Variants in MBTPS1 observed in about 807,000 individuals in gnomAD.
MBTPS1 encodes membrane bound transcription factor peptidase, site 1.
A neutral mutation model predicts 127.8 loss-of-function variants in MBTPS1; 94 were observed. The ratio of observed to expected loss-of-function variants is 0.74; its 90% CI spans 0.62 to 0.87. MBTPS1 has a LOEUF of 0.87. Ranked by LOEUF, MBTPS1 falls within the 40% of genes least tolerant of loss-of-function variation. The probability of loss-of-function intolerance (pLI) is 0.00; values close to 1 mark genes in which losing one functional copy is unlikely to be tolerated. For missense variants in MBTPS1, 1,636 were observed against 1,353.2 expected (o/e 1.21, Z -3.28); for synonymous variants, 632 against 509.4 (o/e 1.24, Z -3.24).
At chr16:84,080,863 T>C (rs1451676012) in intron 11 of MBTPS1, among the ~76,000 whole-genome samples, 1 of 152,256 alleles carries the variant, frequency 6.6e-6, no homozygotes, top group Admixed American at 6.5e-5. Flanking sequence ...TTTGAACATG[T>C]AATCCTAGCT....
Position 84,085,056 on chromosome 16 carries a change from C to G in MBTPS1, c.1213G>C (p.Gly405Arg), listed in dbSNP as rs200492201. The G allele has an allele frequency of 2.4e-5, 38 of 1,614,098 alleles. No homozygotes were observed. Among genetic ancestry groups the G allele is most frequent in the Non-Finnish European group, 2.8e-5 (33 of 1,180,036 alleles). ...GAGVRGSGVKGGCRALSGTSV... is the reference protein window; with the variant it reads ...GAGVRGSGVKRGCRALSGTSV... ...GTCCCTGAGAGGGCCCGGCACCCCC[C>G]TTTCACGCCAGAACCCCGCACGCCA... is the stretch of plus-strand genomic sequence containing the variant. Residue 405 changes from glycine (G) to arginine (R), a missense_variant, in exon 10 of 23, where the codon GGG becomes CGG. By Grantham distance (125) the Gly-to-Arg change is moderately radical. Coordinates refer to ENST00000343411, the MANE Select transcript of MBTPS1 (RefSeq NM_003791.4).
At position 84,099,922 on chromosome 16, in the gene MBTPS1, G is replaced by C. The variant is rs566892257; in HGVS notation, c.164-612C>G. 2.0e-5 allele frequency among the ~76,000 whole-genome samples: 3 copies of C among 152,240 alleles called. No homozygotes were observed. In the South Asian group the frequency reaches 6.2e-4, roughly 32 times the overall value. On this transcript the variant is annotated intron_variant, in intron 2 of 22. Coordinates refer to ENST00000343411, the MANE Select transcript of MBTPS1 (RefSeq NM_003791.4). ...AAGAAATGTATATAATTTTTATCAAGTAGGAAAAAGAAATTCAGAGAACTG... is the reference window on the plus strand; with the variant it reads ...AAGAAATGTATATAATTTTTATCAACTAGGAAAAAGAAATTCAGAGAACTG...
At chr16:84,093,076 C>G (rs2086131689) in intron 6 of MBTPS1, 112 bp downstream of exon 6, 2 of 761,554 alleles carry the variant, frequency 2.6e-6, no homozygotes, top group African/African-American at 3.4e-5. Context: ...GTATGAATGG[C>G]TCAGCGTCAC....
At chr16:84,082,742 A>G (rs775524848) in intron 10 of MBTPS1, among the ~76,000 whole-genome samples, 6 of 152,204 alleles carry the variant, frequency 3.9e-5, no homozygotes, top group African/African-American at 7.2e-5. Flanking sequence ...GAAATCTGAC[A>G]TAAGTAGAGG....
intron 1 of MBTPS1, chr16:84,110,820 T>A (rs2086387247): frequency 6.6e-6 from 1 of 151,990 alleles, no homozygotes; most frequent in East Asian, 1.9e-4. Flanking sequence ...TTTCCTAAAA[T>A]CTCCCCTAGG....
chr16:84,063,523 G>T (rs914891643), intron 18 of MBTPS1, 78 bp from the exon 19 acceptor site: 1 of 1,361,932 alleles, frequency 7.3e-7, no homozygotes, highest in Non-Finnish European at 1.0e-6. Flanking sequence ...TTTCATCCAC[G>T]TGACAAATAA....
chr16:84,085,168 GC>G, intron 9 of MBTPS1, 34 bp from the exon 10 acceptor site: 1 of 1,608,226 alleles, frequency 6.2e-7, no homozygotes, highest in Non-Finnish European at 8.5e-7. Flanking sequence ...GCTACATCTC[GC>G]ACATTGGCAT....
At position 84,101,909 on chromosome 16, in the gene MBTPS1, G is replaced by C. The variant is rs543217851; in HGVS notation, c.-126C>G. 38 of 871,232 alleles carry C rather than the reference G, an allele frequency of 4.4e-5. No homozygotes were observed. Among genetic ancestry groups the C allele is most frequent in the Admixed American group, 2.5e-4 (10 of 40,516 alleles). The allele number at this position is 871,232 out of a possible 1,614,324, so 54.0% of individuals were successfully genotyped here. A position where few individuals can be genotyped will look rare whatever the true frequency, so the allele number is the denominator to read the frequency against. Reference sequence around the variant, plus strand: ...TACTAATCAGCCATCTTACAGTCTTGCCCAACATAAATAAAAGTTAAATCC... The same window carrying C: ...TACTAATCAGCCATCTTACAGTCTTCCCCAACATAAATAAAAGTTAAATCC... On this transcript the variant is annotated 5_prime_UTR_variant, in exon 2 of 23. Coordinates refer to ENST00000343411, the MANE Select transcript of MBTPS1 (RefSeq NM_003791.4).
intron 12 of MBTPS1, among the ~76,000 whole-genome samples, chr16:84,073,717 G>A (rs1876967): frequency 0.39 from 58,711 of 151,696 alleles, 11,600 homozygotes; most frequent in East Asian, 0.64. Flanking sequence ...TTAAAGGATA[G>A]AATACTGGCT....
At chr16:84,109,371 T>A (rs866906348) in intron 1 of MBTPS1, 1 of 152,086 alleles carries the variant, frequency 6.6e-6, no homozygotes, top group South Asian at 2.1e-4. Flanking sequence ...GACATGAAGT[T>A]TGAAAAAGAA....
chr16:84,109,190 C>A lies in MBTPS1; in HGVS notation c.-324-7083G>T, dbSNP rs371029560. ...CGGTAAGAACAAGATGGGTTTGGAA[C>A]AGTGTCACTCAATGAGGAAAGGCTC... On this transcript the variant is annotated intron_variant, in intron 1 of 22. Transcript: ENST00000343411. Among the ~76,000 whole-genome samples, 298 of 152,286 alleles carry A rather than the reference C, an allele frequency of 2.0e-3. 1 individual carries two copies. The highest frequency in any genetic ancestry group is 7.0e-3 in the African/African-American group (292 of 41,560).
intron 19 of MBTPS1, among the ~76,000 whole-genome samples, chr16:84,062,515 C>T (rs996207014): frequency 6.6e-6 from 1 of 152,210 alleles, no homozygotes; most frequent in African/African-American, 2.4e-5. Flanking sequence ...GGCACACACA[C>T]ACCTCTCAGC....
chr16:84,092,737 T>A (rs893493980), intron 6 of MBTPS1, among the ~76,000 whole-genome samples: 6 of 152,202 alleles, frequency 3.9e-5, no homozygotes, highest in Non-Finnish European at 8.8e-5. Context: ...GGAACAAGGC[T>A]TGTAAACTCC....
chr16:84,065,820 TAAA>T (rs2085675062), intron 17 of MBTPS1, 53 bp from the exon 18 acceptor site: 1 of 1,058,054 alleles, frequency 9.5e-7, no homozygotes, highest in Admixed American at 2.6e-5. Flanking sequence ...AACACTTTAA[TAAA>T]TAATAGCTAC....
chr16:84,105,943 G>A (rs372335559), intron 1 of MBTPS1, among the ~76,000 whole-genome samples: 16 of 152,056 alleles, frequency 1.1e-4, no homozygotes, highest in African/African-American at 9.7e-5. Context: ...GAGACAGACC[G>A]TAACTAAGAC....
intron 12 of MBTPS1, among the ~76,000 whole-genome samples, chr16:84,073,793 T>G (rs1433321198): frequency 6.6e-6 from 1 of 151,938 alleles, no homozygotes; most frequent in Non-Finnish European, 1.5e-5. Flanking sequence ...TCACCTGAAG[T>G]CAGGAATTCG....
intron 19 of MBTPS1, chr16:84,061,644 G>A (rs1434474048): frequency 6.6e-6 from 1 of 152,292 alleles, no homozygotes; most frequent in African/African-American, 2.4e-5. Context: ...GCTGGGCTTC[G>A]AGTCGGCAGG....
At chr16:84,101,015 A>T (rs1178839882) in intron 2 of MBTPS1, among the ~76,000 whole-genome samples, 1 of 151,486 alleles carries the variant, frequency 6.6e-6, no homozygotes, top group African/African-American at 2.4e-5. Flanking sequence ...AAAAAAAAAA[A>T]AAAGGCCTGG....
chr16:84,112,678 A>C (rs959952443), intron 1 of MBTPS1, among the ~76,000 whole-genome samples: 3 of 149,976 alleles, frequency 2.0e-5, no homozygotes, highest in Non-Finnish European at 4.4e-5. Context: ...AACAAAAAAA[A>C]ACAAAAAAAG....
Sources: allele counts gnomAD v4.1 joint callset (sites outside exome capture counted in the v4.1 genomes callset), GRCh38; gene constraint gnomAD v4.1.1; transcripts MANE v1.5; gene names NCBI Gene and HGNC (gene_info 2026-07-23, HGNC 2026-07-21).